TSGA10: variants seen among roughly 807,000 people sequenced by gnomAD.
The protein encoded by TSGA10 is testis-specific gene 10 protein.
In TSGA10, 43 loss-of-function variants were observed where a neutral mutation model predicts 96.6. The observed-to-expected ratio is 0.44, with a 90% CI of 0.35 to 0.57. The LOEUF (loss-of-function observed/expected upper bound fraction) is 0.57, where lower values mean the gene tolerates loss of function less well. TSGA10 is among the 20% of genes least tolerant of loss of function. The probability of loss-of-function intolerance (pLI) is 0.01; values close to 1 mark genes in which losing one functional copy is unlikely to be tolerated. For synonymous variants in TSGA10, 229 were observed against 269.9 expected (o/e 0.85, Z 1.48); for missense variants, 703 against 834.4 (o/e 0.84, Z 1.94).
intron 16 of TSGA10, among the ~76,000 whole-genome samples, chr2:99,041,920 G>A (rs975188455): frequency 2.0e-5 from 3 of 151,820 alleles, no homozygotes; most frequent in Non-Finnish European, 2.9e-5. Flanking sequence ...TGCAAATGAC[G>A]CATCCAATAA....
At chr2:99,133,531 C>T (rs1188895451) in intron 1 of TSGA10, among the ~76,000 whole-genome samples, 1 of 152,162 alleles carries the variant, frequency 6.6e-6, no homozygotes, top group Non-Finnish European at 1.5e-5. Flanking sequence ...GGTCTTGACT[C>T]TTTATCCAAT....
intron 20 of TSGA10, among the ~76,000 whole-genome samples, chr2:99,014,622 A>C (rs1370523416): frequency 6.6e-6 from 1 of 152,198 alleles, no homozygotes; most frequent in Non-Finnish European, 1.5e-5. Flanking sequence ...ACCCAGCAGA[A>C]GAAAAGAAAT....
intron 1 of TSGA10, among the ~76,000 whole-genome samples, chr2:99,148,728 T>C (rs541927859): frequency 1.3e-5 from 2 of 152,178 alleles, no homozygotes; most frequent in Non-Finnish European, 2.9e-5. Flanking sequence ...TCCTAGCACT[T>C]TGGGAGCTGA....
chr2:99,118,192 T>A (rs1448573744), intron 3 of TSGA10, among the ~76,000 whole-genome samples: 3 of 152,032 alleles, frequency 2.0e-5, no homozygotes, highest in African/African-American at 7.2e-5. Context: ...GACTCACACT[T>A]GTAATCCCAG....
intron 20 of TSGA10, among the ~76,000 whole-genome samples, chr2:99,004,360 A>G (rs187347200): frequency 3.4e-4 from 52 of 152,260 alleles, no homozygotes; most frequent in African/African-American, 1.2e-3. Flanking sequence ...GCCGAATTCT[A>G]CCAGAGGTAC....
At chr2:99,124,418 C>T (rs1033973867) in intron 2 of TSGA10, among the ~76,000 whole-genome samples, 1 of 152,086 alleles carries the variant, frequency 6.6e-6, no homozygotes, top group Non-Finnish European at 1.5e-5. Context: ...ATGTAGTTAA[C>T]AGACTAAGTT....
chr2:99,101,397 G>C (rs901851563), intron 10 of TSGA10, among the ~76,000 whole-genome samples: 15 of 151,850 alleles, frequency 9.9e-5, no homozygotes, highest in African/African-American at 3.6e-4. Context: ...CAAAGTCCTG[G>C]CCTCAAGTAA....
intron 2 of TSGA10, among the ~76,000 whole-genome samples, chr2:99,123,949 C>T (rs146736642): frequency 1.5e-4 from 23 of 152,318 alleles, no homozygotes; most frequent in African/African-American, 4.8e-4. Context: ...TTTGTATATA[C>T]GTATCTACTG....
chr2:99,123,923 A>G (rs1386779178), intron 2 of TSGA10, among the ~76,000 whole-genome samples: 1 of 152,254 alleles, frequency 6.6e-6, no homozygotes. Context: ...TACTGTGAAT[A>G]ATGCTGCTAT....
intron 20 of TSGA10, among the ~76,000 whole-genome samples, chr2:99,013,753 T>A (rs1383862122): frequency 6.6e-6 from 1 of 151,950 alleles, no homozygotes; most frequent in Non-Finnish European, 1.5e-5. Flanking sequence ...CGGGGGCTCA[T>A]GCCTGTAATC....
chr2:99,062,182 C>A (rs990787906), intron 16 of TSGA10, among the ~76,000 whole-genome samples: 3 of 151,882 alleles, frequency 2.0e-5, no homozygotes, highest in Non-Finnish European at 2.9e-5. Context: ...TATTAACAAG[C>A]CTAATCTGTA....
intron 1 of TSGA10, among the ~76,000 whole-genome samples, chr2:99,134,166 T>A (rs1185097043): frequency 6.6e-6 from 1 of 152,192 alleles, no homozygotes; most frequent in Admixed American, 6.5e-5. Context: ...CTGGATAATA[T>A]CCTGAGGATA....
intron 10 of TSGA10, among the ~76,000 whole-genome samples, chr2:99,087,040 T>G (rs1020627213): frequency 2.0e-5 from 3 of 151,676 alleles, no homozygotes; most frequent in Non-Finnish European, 2.9e-5. Context: ...CCGTCTCTAC[T>G]AAAAATACAA....
intron 13 of TSGA10, 80 bp from the exon 14 acceptor site, chr2:99,071,954 G>T: frequency 3.1e-6 from 4 of 1,270,648 alleles, no homozygotes; most frequent in East Asian, 2.4e-5. Context: ...ACAGAAGATG[G>T]ACAGTTAGTA....
intron 16 of TSGA10, among the ~76,000 whole-genome samples, chr2:99,036,961 T>C (rs1382417453): frequency 6.6e-6 from 1 of 152,106 alleles, no homozygotes; most frequent in Non-Finnish European, 1.5e-5. Flanking sequence ...CAACAGAGCA[T>C]GCCAACATAC....
chr2:99,141,177 C>G (rs1181574241), intron 1 of TSGA10: 2 of 1,241,392 alleles, frequency 1.6e-6, no homozygotes, highest in African/African-American at 3.2e-5. Flanking sequence ...GCGGGGGATA[C>G]AAGAACCGCC....
chr2:99,066,655 T>C (rs896751488), intron 15 of TSGA10, among the ~76,000 whole-genome samples: 2 of 152,112 alleles, frequency 1.3e-5, no homozygotes. Flanking sequence ...GCTCCCTCCT[T>C]CTTGGCAAGC....
chr2:99,065,873 G>T (rs1330774793), intron 15 of TSGA10, among the ~76,000 whole-genome samples: 1 of 152,100 alleles, frequency 6.6e-6, no homozygotes, highest in Non-Finnish European at 1.5e-5. Flanking sequence ...AGTAGGGTCT[G>T]ATTTCTAGTA....
At chr2:99,139,879 C>T (rs1206665423) in intron 1 of TSGA10, among the ~76,000 whole-genome samples, 2 of 152,138 alleles carry the variant, frequency 1.3e-5, no homozygotes, top group African/African-American at 4.8e-5. Context: ...GAGTGGCTAT[C>T]TCTGGGGAGG....
Sources: gnomAD v4.1 joint callset for allele counts (sites outside exome capture counted in the v4.1 genomes callset) on GRCh38, gnomAD v4.1.1 for gene constraint, MANE v1.5 for transcripts, NCBI Gene and HGNC (gene_info 2026-07-23, HGNC 2026-07-21) for gene names.